Variants in NHSL1 observed in about 807,000 individuals in gnomAD.
NHSL1 encodes the protein NHS like 1, also known as NHS-like protein 1.
NHSL1 carries 48 observed loss-of-function variants against 95.0 expected under a neutral mutation model. The ratio of observed to expected loss-of-function variants is 0.51; its 90% confidence interval spans 0.40 to 0.64. NHSL1 has a LOEUF of 0.64. Among genes scored for constraint, NHSL1 ranks in the 30% least tolerant of loss-of-function variants. The pLI is 0.00. For synonymous variants in NHSL1, 783 were observed against 833.9 expected (o/e 0.94, Z 1.05); for missense variants, 1,971 against 2,077.7 (o/e 0.95, Z 1.00).
At chr6:138,437,441 CACACAAA>C (rs1158022702) in intron 5 of NHSL1, among the ~76,000 whole-genome samples, 14 of 35,480 alleles carry the variant, frequency 3.9e-4, no homozygotes, top group African/African-American at 1.3e-3. Context: ...CACACACACA[CACACAAA>C]AAAAAAAAAA....
intron 1 of NHSL1, among the ~76,000 whole-genome samples, chr6:138,615,996 C>G (rs141974369): frequency 3.4e-3 from 525 of 152,308 alleles, no homozygotes; most frequent in African/African-American, 0.012. Flanking sequence ...TTGAGCCCAG[C>G]CTGGGCAACA....
chr6:138,463,034 T>C (rs1211586430), intron 3 of NHSL1, among the ~76,000 whole-genome samples: 2 of 152,074 alleles, frequency 1.3e-5, no homozygotes, highest in African/African-American at 4.8e-5. Context: ...GCTAGAAAAA[T>C]AGCAGATGGA....
chr6:138,475,491 G>T (rs1040118009), intron 2 of NHSL1, among the ~76,000 whole-genome samples: 1 of 152,110 alleles, frequency 6.6e-6, no homozygotes, highest in Non-Finnish European at 1.5e-5. Flanking sequence ...GCCTCCCAAA[G>T]TACTGGGATT....
At chr6:138,585,844 C>T (rs1784126840) in intron 1 of NHSL1, among the ~76,000 whole-genome samples, 1 of 145,686 alleles carries the variant, frequency 6.9e-6, no homozygotes, top group Non-Finnish European at 1.5e-5. Flanking sequence ...GCCAGAAGCT[C>T]AAGACCAGGG....
upstream of NHSL1, among the ~76,000 whole-genome samples, chr6:138,504,019 C>T (rs183752402): frequency 1.1e-4 from 17 of 152,132 alleles, no homozygotes; most frequent in Admixed American, 1.0e-3. Context: ...CTGCTTGAGG[C>T]CAGGTGTTCA....
exon 1 of NHSL1, chr6:138,545,654 T>TGG: frequency 1.6e-6 from 2 of 1,289,362 alleles, no homozygotes; most frequent in South Asian, 2.5e-5. Flanking sequence ...AGCAGTTCCA[T>TGG]GGAGGGGCTG....
intron 1 of NHSL1, among the ~76,000 whole-genome samples, chr6:138,534,614 G>A (rs1314945415): frequency 1.3e-5 from 2 of 152,160 alleles, no homozygotes; most frequent in African/African-American, 4.8e-5. Context: ...GCTCCCTGCT[G>A]TTTATTTCTA....
intron 1 of NHSL1, among the ~76,000 whole-genome samples, chr6:138,590,813 C>A (rs1784213342): frequency 6.6e-6 from 1 of 152,208 alleles, no homozygotes; most frequent in African/African-American, 2.4e-5. Context: ...CAGTGATAAT[C>A]AGTTCCTTAA....
chr6:138,551,819 C>T (rs530906672), intron 1 of NHSL1, among the ~76,000 whole-genome samples: 17 of 152,274 alleles, frequency 1.1e-4, no homozygotes, highest in African/African-American at 3.9e-4. Flanking sequence ...CGGGTTTTTG[C>T]TCTGGACACT....
At chr6:138,526,625 T>C (rs144326637) in intron 1 of NHSL1, among the ~76,000 whole-genome samples, 1 of 152,322 alleles carries the variant, frequency 6.6e-6, no homozygotes, top group East Asian at 1.9e-4. Context: ...GTTTGCCATT[T>C]TTCTCCTATT....
intron 1 of NHSL1, among the ~76,000 whole-genome samples, chr6:138,595,615 G>T (rs1172321499): frequency 6.6e-6 from 1 of 152,184 alleles, no homozygotes; most frequent in Non-Finnish European, 1.5e-5. Context: ...TTTTACAAAA[G>T]TGAATTTCAA....
At chr6:138,457,915 G>A (rs373933850) in intron 3 of NHSL1, among the ~76,000 whole-genome samples, 14 of 151,900 alleles carry the variant, frequency 9.2e-5, no homozygotes, top group African/African-American at 3.4e-4. Context: ...GGCTGAGGCA[G>A]GAGAATCTCT....
intron 1 of NHSL1, among the ~76,000 whole-genome samples, chr6:138,638,295 G>A (rs116173382): frequency 0.011 from 1,610 of 152,212 alleles, 31 homozygotes; most frequent in African/African-American, 0.037. Flanking sequence ...GCACAACAGA[G>A]TGACTATAGT....
intron 1 of NHSL1, among the ~76,000 whole-genome samples, chr6:138,644,201 T>A (rs1784989668): frequency 6.6e-6 from 1 of 152,014 alleles, no homozygotes; most frequent in South Asian, 2.1e-4. Context: ...AATTATAATA[T>A]TCAATAAGAA....
chr6:138,632,220 T>C (rs1784828733), intron 1 of NHSL1, among the ~76,000 whole-genome samples: 1 of 152,150 alleles, frequency 6.6e-6, no homozygotes, highest in African/African-American at 2.4e-5. Context: ...GAACACCAGG[T>C]AGACTTGTAA....
At chr6:138,690,339 G>A (rs886268304) in intron 1 of NHSL1, among the ~76,000 whole-genome samples, 6 of 152,016 alleles carry the variant, frequency 3.9e-5, no homozygotes, top group Admixed American at 2.6e-4. Context: ...GAAGGTGAAA[G>A]AAACCACAAA....
At chr6:138,645,956 AT>A (rs1168315376) in intron 1 of NHSL1, among the ~76,000 whole-genome samples, 12 of 152,222 alleles carry the variant, frequency 7.9e-5, no homozygotes, top group African/African-American at 2.9e-4. Context: ...GAATGAGTGT[AT>A]GATATAATCA....
At chr6:138,670,522 C>T (rs1324341948) in intron 1 of NHSL1, among the ~76,000 whole-genome samples, 2 of 150,778 alleles carry the variant, frequency 1.3e-5, no homozygotes, top group Non-Finnish European at 3.0e-5. Flanking sequence ...AAAAATTAGC[C>T]GGGCGTAGTG....
intron 1 of NHSL1, among the ~76,000 whole-genome samples, chr6:138,563,989 T>A (rs934848043): frequency 1.3e-5 from 2 of 152,216 alleles, no homozygotes; most frequent in African/African-American, 4.8e-5. Context: ...CTTCTCCTTA[T>A]CAGGCTTGGC....
Sources: allele counts gnomAD v4.1 joint callset (sites outside exome capture counted in the v4.1 genomes callset), GRCh38; gene constraint gnomAD v4.1.1; transcripts MANE v1.5; gene names NCBI Gene and HGNC (gene_info 2026-07-23, HGNC 2026-07-21).